The following YTHDC2 variants were observed in gnomAD, a reference collection of about 807,000 sequenced individuals.
YTHDC2 encodes the protein YTH N6-methyladenosine RNA binding protein C2.
A neutral mutation model predicts 174.9 loss-of-function variants in YTHDC2; 45 were observed. The observed-to-expected ratio is 0.26, with a 90% CI of 0.20 to 0.33. The LOEUF (loss-of-function observed/expected upper bound fraction) is 0.33. YTHDC2 is among the 10% of genes least tolerant of loss of function. YTHDC2 has a pLI of 1.00. For missense variants in YTHDC2, 1,650 were observed against 1,723.7 expected (o/e 0.96, Z 0.76); for synonymous variants, 657 against 574.5 (o/e 1.14, Z -2.05).
Position 113,524,833 on chromosome 5 carries a change from T to G in YTHDC2, c.279-148T>G, listed in dbSNP as rs1774105683. 5.2e-6 allele frequency: 3 copies of G among 571,656 alleles called. No homozygotes were observed. The East Asian group carries it at 1.0e-4, about 20-fold the overall frequency. The allele number at this position is 571,656 out of a possible 1,614,324, so 35.4% of individuals were successfully genotyped here. On this transcript the variant is annotated intron_variant, in intron 2 of 29. Transcript: ENST00000161863. ...CACTTTAGCCCAAATCTTTCTTTACTGAATTTTTTTGGACTTTCAGCATCT... is the reference window on the plus strand; with the variant it reads ...CACTTTAGCCCAAATCTTTCTTTACGGAATTTTTTTGGACTTTCAGCATCT...
At chr5:113,530,576 C>T (rs1176913699) in intron 4 of YTHDC2, among the ~76,000 whole-genome samples, 1 of 152,046 alleles carries the variant, frequency 6.6e-6, no homozygotes, top group Admixed American at 6.6e-5. Context: ...TCCCTTGTAT[C>T]ATTGCTGTCA....
intron 9 of YTHDC2, among the ~76,000 whole-genome samples, chr5:113,541,920 G>A (rs996109256): frequency 6.6e-6 from 1 of 152,050 alleles, no homozygotes; most frequent in Non-Finnish European, 1.5e-5. Context: ...AAGACTGGCT[G>A]TATATTTTGT....
chr5:113,538,719 T>A (rs1322431093), intron 7 of YTHDC2, among the ~76,000 whole-genome samples: 2 of 152,118 alleles, frequency 1.3e-5, no homozygotes, highest in Non-Finnish European at 2.9e-5. Flanking sequence ...ATATTTACCT[T>A]CATATTCTGG....
chr5:113,563,933 A>T lies in YTHDC2; in HGVS notation c.2517A>T (p.Pro839=). Residue 839 remains proline (P), a synonymous_variant, in exon 20 of 30, where the codon CCA becomes CCT. Transcript: ENST00000161863. ...GYHLADLPVE[P]HLGKMVLCAV... ...ATTTGGCTGACTTGCCAGTAGAACCACATCTTGGTAAAATGGTCTTGTGTG... is the reference window on the plus strand; with the variant it reads ...ATTTGGCTGACTTGCCAGTAGAACCTCATCTTGGTAAAATGGTCTTGTGTG... 6.2e-7 allele frequency: 1 copy of T among 1,614,168 alleles called. No individual in the cohort carries two copies. Among genetic ancestry groups the T allele is most frequent in the South Asian group, 1.1e-5 (1 of 91,072 alleles).
In YTHDC2 at chr5:113,591,061, A is replaced by G; in HGVS notation, c.3846A>G (p.Pro1282=). ...TATAGGGCTCAAAATCTCCTTCGCC[A>G]AGACCAAACATGCCTGTTCGATACT... ...SSGKGSKSPS[P]RPNMPVRYFI... is the part of the protein sequence containing the mutation. Residue 1282 remains proline (P), a synonymous_variant, in exon 27 of 30, where the codon CCA becomes CCG. Coordinates refer to ENST00000161863, the MANE Select transcript of YTHDC2 (RefSeq NM_022828.5). 1 of 1,613,816 alleles carries G rather than the reference A, an allele frequency of 6.2e-7. No homozygotes were observed. Among genetic ancestry groups the G allele is most frequent in the South Asian group, 1.1e-5 (1 of 91,058 alleles).
At chr5:113,522,365 T>G (rs965604141) in intron 2 of YTHDC2, among the ~76,000 whole-genome samples, 1 of 152,170 alleles carries the variant, frequency 6.6e-6, no homozygotes, top group Non-Finnish European at 1.5e-5. Context: ...TGTGTCAAAT[T>G]TGATTACTTA....
intron 4 of YTHDC2, among the ~76,000 whole-genome samples, chr5:113,527,964 G>A (rs1035887635): frequency 2.0e-5 from 3 of 152,040 alleles, no homozygotes; most frequent in Admixed American, 6.6e-5. Context: ...CCCAGCATGA[G>A]TGCTTTTATG....
At chr5:113,526,000 A>G (rs1774204893) in intron 3 of YTHDC2, among the ~76,000 whole-genome samples, 1 of 152,168 alleles carries the variant, frequency 6.6e-6, no homozygotes, top group Non-Finnish European at 1.5e-5. Flanking sequence ...GATGTTGGCT[A>G]AAATACGCCA....
chr5:113,554,425 A>G (rs892546543), intron 16 of YTHDC2, among the ~76,000 whole-genome samples: 1 of 152,072 alleles, frequency 6.6e-6, no homozygotes, highest in Non-Finnish European at 1.5e-5. Flanking sequence ...CACATGGATT[A>G]TGTCTTTGTT....
chr5:113,563,056 A>C (rs1433355739), intron 18 of YTHDC2, among the ~76,000 whole-genome samples: 1 of 109,470 alleles, frequency 9.1e-6, no homozygotes, highest in Non-Finnish European at 1.7e-5. Flanking sequence ...AGTAAGTATA[A>C]AGGGGGGAAA....
intron 26 of YTHDC2, among the ~76,000 whole-genome samples, chr5:113,588,682 G>A (rs1297799082): frequency 6.6e-6 from 1 of 151,678 alleles, no homozygotes; most frequent in East Asian, 1.9e-4. Context: ...GAGTGCAGTG[G>A]CGCGATCTCG....
intron 9 of YTHDC2, 76 bp downstream of exon 9, chr5:113,541,192 AT>A (rs200804870): frequency 0.19 from 231,125 of 1,222,508 alleles, 536 homozygotes; most frequent in East Asian, 0.24. Flanking sequence ...TGAGCTTATA[AT>A]TTTTTTTTTT....
chr5:113,536,075 C>A (rs1580515200), intron 7 of YTHDC2, among the ~76,000 whole-genome samples: 1 of 152,162 alleles, frequency 6.6e-6, no homozygotes, highest in East Asian at 1.9e-4. Flanking sequence ...ATAACTATTT[C>A]CCTTTATTGG....
chr5:113,581,777 A>G, intron 25 of YTHDC2, 68 bp downstream of exon 25: 1 of 1,267,676 alleles, frequency 7.9e-7, no homozygotes, highest in Non-Finnish European at 1.0e-6. Flanking sequence ...TTATCTTAGA[A>G]TCATGTGCTT....
chr5:113,591,283 C>G, intron 27 of YTHDC2, 39 bp downstream of exon 27: 1 of 1,600,346 alleles, frequency 6.2e-7, no homozygotes, highest in Non-Finnish European at 8.5e-7. Flanking sequence ...GTTGTTCTGG[C>G]TATAGGTTAA....
At chr5:113,530,492 C>G (rs573005918) in intron 4 of YTHDC2, among the ~76,000 whole-genome samples, 269 of 152,282 alleles carry the variant, frequency 1.8e-3, no homozygotes, top group Middle Eastern at 0.01. Context: ...AGTCCACTTT[C>G]AAATAACACT....
At chr5:113,571,563 T>C (rs1777719496) in intron 23 of YTHDC2, among the ~76,000 whole-genome samples, 1 of 152,228 alleles carries the variant, frequency 6.6e-6, no homozygotes, top group Non-Finnish European at 1.5e-5. Context: ...TATCAGCTCT[T>C]CTATGTACTT....
chr5:113,542,234 A>AT (rs1194974551), intron 9 of YTHDC2, 134 bp from the exon 10 acceptor site: 1 of 906,782 alleles, frequency 1.1e-6, no homozygotes, highest in African/African-American at 1.7e-5. Flanking sequence ...GAAAGGAGAA[A>AT]TTTTTTATGT....
At chr5:113,528,740 C>T (rs1774457157) in intron 4 of YTHDC2, among the ~76,000 whole-genome samples, 1 of 152,150 alleles carries the variant, frequency 6.6e-6, no homozygotes, top group Non-Finnish European at 1.5e-5. Flanking sequence ...GACTCCTGGG[C>T]TCAAGCGATC....
Sources: gnomAD v4.1 joint callset for allele counts (sites outside exome capture counted in the v4.1 genomes callset) on GRCh38, gnomAD v4.1.1 for gene constraint, MANE v1.5 for transcripts, NCBI Gene and HGNC (gene_info 2026-07-23, HGNC 2026-07-21) for gene names.